Variants in AVPR1A observed in about 807,000 individuals in gnomAD.
AVPR1A encodes the protein vasopressin V1a receptor.
In AVPR1A, 31 loss-of-function variants were observed where a neutral mutation model predicts 31.5. That is an observed-to-expected ratio of 0.99 (90% CI 0.74 to 1.33). AVPR1A has a LOEUF of 1.33. Among genes scored for constraint, AVPR1A ranks in the 40% most tolerant of loss-of-function variants. AVPR1A has a pLI of 0.00. For missense variants in AVPR1A, 570 were observed against 575.2 expected (o/e 0.99, Z 0.09); for synonymous variants, 243 against 233.2 (o/e 1.04, Z -0.38).
rs567840993 is a variant in AVPR1A at position 63,144,990 on chromosome 12, T to C, written c.*2369A>G. The C allele has an allele frequency of 3.5e-4, 55 of 155,412 alleles. No individual in the cohort carries two copies. Among genetic ancestry groups the C allele is most frequent in the South Asian group, 1.2e-3 (6 of 5,156 alleles). 9.6% of individuals were successfully genotyped at this position (155,412 alleles called of 1,614,324 possible). A position where few individuals can be genotyped will look rare whatever the true frequency, so the allele number is the denominator to read the frequency against. On this transcript the variant is annotated 3_prime_UTR_variant, in exon 2 of 2. Coordinates refer to ENST00000299178, the MANE Select transcript of AVPR1A (RefSeq NM_000706.5). ...GATCTATAGGTTCTGAGGTTCTTAC[T>C]TTGGAAATGGATTTAGAAAAAAATG...
intron 1 of AVPR1A, among the ~76,000 whole-genome samples, chr12:63,148,554 T>C (rs762772285): frequency 1.3e-5 from 2 of 152,186 alleles, no homozygotes; most frequent in Non-Finnish European, 2.9e-5. Flanking sequence ...ATTACCAACA[T>C]ATCTATGCAC....
Position 63,146,941 on chromosome 12 carries a change from T to C in AVPR1A, c.*418A>G, listed in dbSNP as rs1372620295. The C allele has an allele frequency of 6.0e-6, 1 of 166,746 alleles. No individual in the cohort carries two copies. The highest frequency in any genetic ancestry group is 2.4e-5 in the African/African-American group (1 of 41,654). The allele number at this position is 166,746 out of a possible 1,614,324, so 10.3% of individuals were successfully genotyped here. ...GGATGAAAACATAATTTCTCTGAAG[T>C]TTTCTCTGAATATTAAGACTGATGA... On this transcript the variant is annotated 3_prime_UTR_variant, in exon 2 of 2. Coordinates refer to ENST00000299178, the MANE Select transcript of AVPR1A (RefSeq NM_000706.5).
rs1263607654 is a variant in AVPR1A at position 63,143,525 on chromosome 12, C to G, written c.*3834G>C. The G allele has an allele frequency of 2.6e-5, 4 of 152,198 alleles. No individual in the cohort carries two copies. Among genetic ancestry groups the G allele is most frequent in the Non-Finnish European group, 5.9e-5 (4 of 68,038 alleles). The allele number at this position is 152,198 out of a possible 1,614,324, so 9.4% of individuals were successfully genotyped here. A position where few individuals can be genotyped will look rare whatever the true frequency, so the allele number is the denominator to read the frequency against. ...AACCATTTACACTGTCTTAAGCACT[C>G]AAAAGAAAGAAACTGTCTTCTGAAT... On this transcript the variant is annotated 3_prime_UTR_variant, in exon 2 of 2. Coordinates refer to ENST00000299178, the MANE Select transcript of AVPR1A (RefSeq NM_000706.5).
Position 63,150,645 on chromosome 12 carries a change from C to A in AVPR1A, c.192G>T (p.Val64=). Residue 64 remains valine, a synonymous_variant, in exon 1 of 2, where the codon GTG becomes GTT. Transcript: ENST00000299178. This position sits in a 1 kb window ranked among gnomAD's most constrained non-coding sequence, Gnocchi z 4.9. Reference sequence around the variant, plus strand: ...GTACGCTGCTGTTGCCCAGCACGGCCACCGCGAAAGTCACCGCCAGCACGG... The same window carrying A: ...GTACGCTGCTGTTGCCCAGCACGGCAACCGCGAAAGTCACCGCCAGCACGG... ...EIAVLAVTFA[V]AVLGNSSVLL... The A allele has an allele frequency of 1.9e-6, 3 of 1,609,378 alleles. No homozygotes were observed. Among genetic ancestry groups the A allele is most frequent in the Non-Finnish European group, 2.5e-6 (3 of 1,179,882 alleles).
At position 63,144,562 on chromosome 12, in the gene AVPR1A, C is replaced by T. The variant is rs1230105486; in HGVS notation, c.*2797G>A. On this transcript the variant is annotated 3_prime_UTR_variant, in exon 2 of 2. Coordinates refer to ENST00000299178, the MANE Select transcript of AVPR1A (RefSeq NM_000706.5). ...TTTGGCATAATATCTCAGGTCTTCT[C>T]TTTAGTCAAGAAAAGGAAAACTTCC... 1 of 152,152 alleles carries T rather than the reference C, an allele frequency of 6.6e-6. No individual in the cohort carries two copies. Among genetic ancestry groups the T allele is most frequent in the Non-Finnish European group, 1.5e-5 (1 of 68,018 alleles). The allele number at this position is 152,152 out of a possible 1,614,324, so 9.4% of individuals were successfully genotyped here.
rs1428303593 is a variant in AVPR1A at position 63,150,584 on chromosome 12, G to A, written c.253C>T (p.Arg85Cys). 1.3e-5 allele frequency: 21 copies of A among 1,611,846 alleles called. No individual in the cohort carries two copies. Among genetic ancestry groups the A allele is most frequent in the African/African-American group, 2.7e-5 (2 of 74,938 alleles). The change falls in exon 1 of 2, where the codon CGC (arginine) becomes TGC (cysteine). Residue 85 changes from arginine (R) to cysteine (C), a missense_variant. By Grantham distance (180) the Arg-to-Cys change is radical. Transcript: ENST00000299178. The surrounding 1 kb of genome is among the most constrained non-coding windows in gnomAD (Gnocchi z 4.9). ...AGGTGTCGGATGAAGAGGTGCATGC[G>A]GGACGTCTTGCGCGGCGTCCGGTGC... ...ALHRTPRKTSRMHLFIRHLSL... is the reference protein window; with the variant it reads ...ALHRTPRKTSCMHLFIRHLSL...
chr12:63,149,231 A>G (rs1354001462), intron 1 of AVPR1A, among the ~76,000 whole-genome samples: 1 of 152,140 alleles, frequency 6.6e-6, no homozygotes, highest in Admixed American at 6.5e-5. Flanking sequence ...ACTATTAATC[A>G]TTGTTAGAAA....
rs1868362417 is a variant in AVPR1A, at chr12:63,146,604, G to A, written c.*755C>T. The A allele has an allele frequency of 6.6e-6, 1 of 152,114 alleles. No individual in the cohort carries two copies. Among genetic ancestry groups the A allele is most frequent in the African/African-American group, 2.4e-5 (1 of 41,412 alleles). The allele number at this position is 152,114 out of a possible 1,614,324, so 9.4% of individuals were successfully genotyped here. Reference sequence around the variant, plus strand: ...AATTTGGCTTTCCTTATACAAATCTGACTTTAAAACAACCTCGCAGTGGGG... The same window carrying A: ...AATTTGGCTTTCCTTATACAAATCTAACTTTAAAACAACCTCGCAGTGGGG... On this transcript the variant is annotated 3_prime_UTR_variant, in exon 2 of 2. Coordinates refer to ENST00000299178, the MANE Select transcript of AVPR1A (RefSeq NM_000706.5).
intron 1 of AVPR1A, among the ~76,000 whole-genome samples, chr12:63,148,149 C>T (rs911701497): frequency 5.9e-5 from 9 of 152,044 alleles, no homozygotes; most frequent in Non-Finnish European, 1.0e-4. Flanking sequence ...GAAGAAGTCC[C>T]TGGATGATAT....
chr12:63,150,504 C>T lies in AVPR1A; in HGVS notation c.333G>A (p.Trp111Ter). 6.2e-7 allele frequency: 1 copy of T among 1,613,344 alleles called. No homozygotes were observed. The highest frequency in any genetic ancestry group is 1.1e-5 in the South Asian group (1 of 91,046). Residue 111 changes from tryptophan to a stop codon, truncating the protein, a stop_gained, in exon 1 of 2, where the codon TGG becomes TGA. Coordinates refer to ENST00000299178, the MANE Select transcript of AVPR1A (RefSeq NM_000706.5). LOFTEE classifies it high-confidence loss of function. The surrounding 1 kb of genome is among the most constrained non-coding windows in gnomAD (Gnocchi z 4.9). ...AFFQVLPQMC[W>*]DITYRFRGPD... ...GGCCGCGGAAGCGGTAGGTGATGTC[C>T]CAGCACATTTGCGGCAGCACCTGGA...
chr12:63,148,216 T>C (rs1423547562), intron 1 of AVPR1A, among the ~76,000 whole-genome samples: 1 of 152,134 alleles, frequency 6.6e-6, no homozygotes, highest in Non-Finnish European at 1.5e-5. Context: ...TGGTTGTGGT[T>C]CAAACAAATT....
In AVPR1A at chr12:63,142,964, C is replaced by G. The variant is rs1349571461; in HGVS notation, c.*4395G>C. ...AACACACTGAAATTATTTTAGATAG[C>G]ATAATAAGCTAGAGGATATAGAACA... On this transcript the variant is annotated 3_prime_UTR_variant, in exon 2 of 2. Coordinates refer to ENST00000299178, the MANE Select transcript of AVPR1A (RefSeq NM_000706.5). 6.6e-6 allele frequency: 1 copy of G among 151,888 alleles called. No individual in the cohort carries two copies. The highest frequency in any genetic ancestry group is 1.5e-5 in the Non-Finnish European group (1 of 67,936). 9.4% of individuals were successfully genotyped at this position (151,888 alleles called of 1,614,324 possible). A position where few individuals can be genotyped will look rare whatever the true frequency, so the allele number is the denominator to read the frequency against.
rs1404369617 is a variant in AVPR1A, at chr12:63,150,549, G to C, written c.288C>G (p.Ala96=). 3.1e-6 allele frequency: 5 copies of C among 1,612,838 alleles called. No individual in the cohort carries two copies. The highest frequency in any genetic ancestry group is 4.2e-6 in the Non-Finnish European group (5 of 1,179,884). ...CCTGGAAGAATGCCACGGCCAGGTC[G>C]GCCAGGCTGAGGTGTCGGATGAAGA... is the stretch of plus-strand genomic sequence containing the variant. ...MHLFIRHLSL[A]DLAVAFFQVL... The change falls in exon 1 of 2, where the codon GCC becomes GCG. Residue 96 remains alanine, a synonymous_variant. Coordinates refer to ENST00000299178, the MANE Select transcript of AVPR1A (RefSeq NM_000706.5). The surrounding 1 kb of genome is among the most constrained non-coding windows in gnomAD (Gnocchi z 4.9).
chr12:63,146,766 A>C lies in AVPR1A; in HGVS notation c.*593T>G, dbSNP rs1439898541. 1 of 152,242 alleles carries C rather than the reference A, an allele frequency of 6.6e-6. No individual in the cohort carries two copies. 9.4% of individuals were successfully genotyped at this position (152,242 alleles called of 1,614,324 possible). On this transcript the variant is annotated 3_prime_UTR_variant, in exon 2 of 2. Coordinates refer to ENST00000299178, the MANE Select transcript of AVPR1A (RefSeq NM_000706.5). ...TGTAAAGTTACCATTTTGAAATGCAAGGTGATTGATAGCTTCTAATAGAAC... is the reference window on the plus strand; with the variant it reads ...TGTAAAGTTACCATTTTGAAATGCACGGTGATTGATAGCTTCTAATAGAAC...
In AVPR1A at chr12:63,150,260, C is replaced by T. The variant is rs199684240; in HGVS notation, c.577G>A (p.Glu193Lys). The T allele has an allele frequency of 6.2e-6, 10 of 1,613,890 alleles. No individual in the cohort carries two copies. The East Asian group carries it at 2.2e-4, about 36-fold the overall frequency. ...CGGGCCTTGGTGACATTGTTCACCT[C>T]GATCATGGAGAAGACGAAGTACTGC... ...TPQYFVFSMIEVNNVTKARDC... is the reference protein window; with the variant it reads ...TPQYFVFSMIKVNNVTKARDC... The change falls in exon 1 of 2, where the codon GAG (glutamate) becomes AAG (lysine). Residue 193 changes from glutamate (E) to lysine (K), a missense_variant. Transcript: ENST00000299178. The surrounding 1 kb of genome is among the most constrained non-coding windows in gnomAD (Gnocchi z 4.9).
rs1373893107 is a variant in AVPR1A at position 63,143,169 on chromosome 12, T to C, written c.*4190A>G. The C allele has an allele frequency of 6.6e-6, 1 of 151,934 alleles. No individual in the cohort carries two copies. Among genetic ancestry groups the C allele is most frequent in the Admixed American group, 6.6e-5 (1 of 15,246 alleles). 9.4% of individuals were successfully genotyped at this position (151,934 alleles called of 1,614,324 possible). On this transcript the variant is annotated 3_prime_UTR_variant, in exon 2 of 2. Coordinates refer to ENST00000299178, the MANE Select transcript of AVPR1A (RefSeq NM_000706.5). ...TATTAATAATAATTATTCTGGTATT[T>C]ATATCAGATTTATCATCAGATTTTC... is the stretch of plus-strand genomic sequence containing the variant.
chr12:63,150,919 C>T lies in AVPR1A; in HGVS notation c.-83G>A, dbSNP rs1868472046. ...CCCTCCCCGTCTCGGAGGACTTGGG[C>T]TCCTCGTCCGAAGCGCAGGGTCTTT... On this transcript the variant is annotated 5_prime_UTR_variant, in exon 1 of 2. Transcript: ENST00000299178. The surrounding 1 kb of genome is among the most constrained non-coding windows in gnomAD (Gnocchi z 4.9). The T allele has an allele frequency of 2.8e-6, 4 of 1,437,988 alleles. No homozygotes were observed. Among genetic ancestry groups the T allele is most frequent in the African/African-American group, 1.4e-5 (1 of 69,628 alleles). The allele number at this position is 1,437,988 out of a possible 1,614,324, so 89.1% of individuals were successfully genotyped here.
chr12:63,147,694 A>G, intron 1 of AVPR1A, 49 bp from the exon 2 acceptor site: 1 of 1,556,364 alleles, frequency 6.4e-7, no homozygotes, highest in South Asian at 1.2e-5. Flanking sequence ...TGAACCATGG[A>G]TAAACTCATT....
intron 1 of AVPR1A, 89 bp downstream of exon 1, chr12:63,149,777 CT>C: frequency 9.2e-7 from 1 of 1,088,116 alleles, no homozygotes; most frequent in Non-Finnish European, 1.2e-6. Context: ...TTTTTTCTCT[CT>C]CTCTCTCTCT....
Sources: allele counts gnomAD v4.1 joint callset (sites outside exome capture counted in the v4.1 genomes callset), GRCh38; gene constraint gnomAD v4.1.1; non-coding constraint Gnocchi (gnomAD v3.1); transcripts MANE v1.5; gene names NCBI Gene and HGNC (gene_info 2026-07-23, HGNC 2026-07-21).